BOD1L1: variants seen among roughly 807,000 people sequenced by gnomAD.
BOD1L1 encodes biorientation of chromosomes in cell division protein 1-like 1.
In BOD1L1, 86 loss-of-function variants were observed where a neutral mutation model predicts 240.7. The ratio of observed to expected loss-of-function variants is 0.36; its 90% CI spans 0.30 to 0.43. The LOEUF (loss-of-function observed/expected upper bound fraction) is 0.43. BOD1L1 is among the 20% of genes least tolerant of loss of function. The probability of loss-of-function intolerance (pLI) is 1.00; values close to 1 mark genes in which losing one functional copy is unlikely to be tolerated. For missense variants in BOD1L1, 3,554 were observed against 3,643.5 expected, an observed-to-expected ratio of 0.98 and a Z score of 0.63; for synonymous variants, 1,268 against 1,272.3, an observed-to-expected ratio of 1.00 and a Z score of 0.07.
chr4:13,627,467 CCCCGCCCGCGCCGGGGCCAGCCCCGGGG>C lies in BOD1L1; in HGVS notation c.93_120del (p.Pro32ArgfsTer16). The C allele has an allele frequency of 9.3e-7, 1 of 1,077,968 alleles. No homozygotes were observed. The highest frequency in any genetic ancestry group is 1.1e-6 in the Non-Finnish European group (1 of 889,704). 66.8% of individuals were successfully genotyped at this position (1,077,968 alleles called of 1,614,324 possible). ...CCGGCGCCCGCACCCGCGCCGCCCG[CCCCGCCCGCGCCGGGGCCAGCCCCGGGG>C]CCCGGCGGCGGCGGCGGTGGCTGCG... On this transcript the variant is annotated frameshift_variant, in exon 1 of 26. Transcript: ENST00000040738. LOFTEE classifies it high-confidence loss of function.
intron 22 of BOD1L1, among the ~76,000 whole-genome samples, chr4:13,578,635 A>G (rs1033032918): frequency 4.0e-5 from 6 of 151,882 alleles, no homozygotes; most frequent in Admixed American, 6.6e-5. Context: ...GCAGCCTCCA[A>G]CTCCTGGGCT....
intron 18 of BOD1L1, 103 bp from the exon 19 acceptor site, chr4:13,582,413 C>T (rs1713307296): frequency 1.2e-6 from 1 of 866,208 alleles, no homozygotes; most frequent in South Asian, 1.6e-5. Flanking sequence ...TAACCACACA[C>T]TCCATTTTCA....
At chr4:13,580,434 A>C (rs1389326092) in intron 21 of BOD1L1, among the ~76,000 whole-genome samples, 4 of 152,280 alleles carry the variant, frequency 2.6e-5, no homozygotes, top group Non-Finnish European at 5.9e-5. Context: ...TGAGGCTTGA[A>C]TCCCATGTTG....
At chr4:13,625,233 G>A (rs1323991108) in intron 1 of BOD1L1, 1 of 152,120 alleles carries the variant, frequency 6.6e-6, no homozygotes, top group African/African-American at 2.4e-5. Context: ...ATTAAAATAG[G>A]TTCTTATTCC....
rs1715321407 is a variant in BOD1L1, at chr4:13,602,827, G to A, written c.4073C>T (p.Ala1358Val). ...EGFTVDTPAK[A>V]SITSKRHIPE... ...AATGTGTCTTTTGCTAGTGATGCTT[G>A]CTTTTGCTGGTGTATCTACTGTGAA... Residue 1358 changes from alanine to valine, a missense_variant, in exon 10 of 26, where the codon GCA becomes GTA. Ala to Val is a moderately conservative substitution (Grantham distance 64). This residue lies in a region of BOD1L1 where 3,393 missense variants were observed against 3,427.1 expected (regional missense o/e 0.99). Coordinates refer to ENST00000040738, the MANE Select transcript of BOD1L1 (RefSeq NM_148894.3). 6.2e-7 allele frequency: 1 copy of A among 1,613,846 alleles called. No homozygotes were observed. The highest frequency in any genetic ancestry group is 1.7e-5 in the Admixed American group (1 of 60,000).
In BOD1L1 at chr4:13,627,396, CT is replaced by C; in HGVS notation, c.191del (p.Gln64ArgfsTer24). The C allele has an allele frequency of 7.2e-7, 1 of 1,395,168 alleles. No individual in the cohort carries two copies. Among genetic ancestry groups the C allele is most frequent in the Non-Finnish European group, 9.4e-7 (1 of 1,062,650 alleles). 86.4% of individuals were successfully genotyped at this position (1,395,168 alleles called of 1,614,324 possible). On this transcript the variant is annotated frameshift_variant, in exon 1 of 26. Transcript: ENST00000040738. LOFTEE classifies it high-confidence loss of function. ...CTCTGCGGAACTGGTCGAAGAGCCCCTGGCTCTTGAGGTGGTTCACGATCAT... is the reference window on the plus strand; with the variant it reads ...CTCTGCGGAACTGGTCGAAGAGCCCCGGCTCTTGAGGTGGTTCACGATCAT... ...VAMIVNHLKS[Q>X]GLFDQFRRDC...
Position 13,600,159 on chromosome 4 carries a change from C to T in BOD1L1, c.6741G>A (p.Met2247Ile), listed in dbSNP as rs147113159. The change falls in exon 10 of 26, where the codon ATG becomes ATA. Residue 2247 changes from methionine to isoleucine, a missense_variant. Met to Ile is a conservative substitution (Grantham distance 10). Coordinates refer to ENST00000040738, the MANE Select transcript of BOD1L1 (RefSeq NM_148894.3). ...ESENERAGTV[M>I]EEKDGSGIIS... ...TGATGCCACTCCCGTCTTTTTCTTC[C>T]ATGACTGTGCCAGCTCGCTCATTTT... 6.2e-7 allele frequency: 1 copy of T among 1,613,998 alleles called. No individual in the cohort carries two copies. The highest frequency in any genetic ancestry group is 8.5e-7 in the Non-Finnish European group (1 of 1,179,894).
rs765369354 is a variant in BOD1L1, at chr4:13,599,540, A to C, written c.7360T>G (p.Leu2454Val). The C allele has an allele frequency of 2.1e-5, 34 of 1,613,832 alleles. 1 individual carries two copies. Among genetic ancestry groups the C allele is most frequent in the Admixed American group, 1.3e-4 (8 of 60,004 alleles). Reference sequence around the variant, plus strand: ...TTCTCTTCTGCATTTATGAGGTGTAAAGTGCTCTCTTTCTGTCCTCTTCCT... The same window carrying C: ...TTCTCTTCTGCATTTATGAGGTGTACAGTGCTCTCTTTCTGTCCTCTTCCT... ...FAGRGQKEST[L>V]HLINAEEKNV... is the part of the protein sequence containing the mutation. The change falls in exon 10 of 26, where the codon TTA (leucine) becomes GTA (valine). Residue 2454 changes from leucine (L) to valine (V), a missense_variant. Coordinates refer to ENST00000040738, the MANE Select transcript of BOD1L1 (RefSeq NM_148894.3).
In BOD1L1 at chr4:13,573,417, T is replaced by TGTC. The variant is rs1712376859; in HGVS notation, c.9039-3290_9039-3289insGAC. 4.8e-5 allele frequency among the ~76,000 whole-genome samples: 7 copies of TGTC among 146,788 alleles called. No individual in the cohort carries two copies. In the South Asian group the frequency reaches 1.4e-3, roughly 29 times the overall value. ...TTGGTATACAGAGTTTGCTTCTATC[T>TGTC]ATCTGTCTGTCTGTCTGTCTGTCTG... is the stretch of plus-strand genomic sequence containing the variant. On this transcript the variant is annotated intron_variant, in intron 25 of 25. Coordinates refer to ENST00000040738, the MANE Select transcript of BOD1L1 (RefSeq NM_148894.3).
At position 13,627,721 on chromosome 4, in the gene BOD1L1, G is replaced by A; in HGVS notation, c.-134C>T. The A allele has an allele frequency of 1.3e-6, 1 of 774,972 alleles. No homozygotes were observed. The highest frequency in any genetic ancestry group is 5.9e-5 in the South Asian group (1 of 17,054). The allele number at this position is 774,972 out of a possible 1,614,324, so 48.0% of individuals were successfully genotyped here. ...AACCAGCGGATCCAGAGCAACCCCGGAAGTGAAAGGGAACTGGGGGAAAGG... is the reference window on the plus strand; with the variant it reads ...AACCAGCGGATCCAGAGCAACCCCGAAAGTGAAAGGGAACTGGGGGAAAGG... On this transcript the variant is annotated 5_prime_UTR_variant, in exon 1 of 26. Transcript: ENST00000040738.
chr4:13,577,821 A>C (rs1712892169), intron 22 of BOD1L1, 190 bp from the exon 23 acceptor site: 1 of 427,094 alleles, frequency 2.3e-6, no homozygotes, highest in East Asian at 3.8e-5. Flanking sequence ...GTGAGTCACG[A>C]AACATAAGTT....
rs559052104 is a variant in BOD1L1, at chr4:13,602,646, T to C, written c.4254A>G (p.Ala1418=). The C allele has an allele frequency of 5.0e-6, 8 of 1,614,068 alleles. No homozygotes were observed. The highest frequency in any genetic ancestry group is 4.4e-5 in the South Asian group (4 of 91,084). Reference sequence around the variant, plus strand: ...TAATTGTCTGCTTTAAATTGGGCTCTGCATTTAAGTCATTTTCTTTCTTGG... The same window carrying C: ...TAATTGTCTGCTTTAAATTGGGCTCCGCATTTAAGTCATTTTCTTTCTTGG... ...DMAKKENDLN[A]EPNLKQTIKA... Residue 1418 remains alanine, a synonymous_variant, in exon 10 of 26, where the codon GCA becomes GCG. Coordinates refer to ENST00000040738, the MANE Select transcript of BOD1L1 (RefSeq NM_148894.3).
Position 13,613,203 on chromosome 4 carries a change from C to T in BOD1L1, c.1324+309G>A, listed in dbSNP as rs545061322. ...ATTGAGGGCAGTGTTGTGGACTACG[C>T]TGTCCCCAAATGTGACACACACAAA... On this transcript the variant is annotated intron_variant, in intron 5 of 25. Transcript: ENST00000040738. This position sits in a 1 kb window ranked among gnomAD's most constrained non-coding sequence, Gnocchi z 4.0. Among the ~76,000 whole-genome samples, 1 of 152,308 alleles carries T rather than the reference C, an allele frequency of 6.6e-6. No individual in the cohort carries two copies. Among genetic ancestry groups the T allele is most frequent in the South Asian group, 2.1e-4 (1 of 4,826 alleles).
chr4:13,572,154 C>T (rs1712262406), intron 25 of BOD1L1, among the ~76,000 whole-genome samples: 1 of 152,126 alleles, frequency 6.6e-6, no homozygotes, highest in Non-Finnish European at 1.5e-5. Context: ...ACCAGAAGTG[C>T]AGCAAGAAGA....
In BOD1L1 at chr4:13,613,459, C is replaced by T; in HGVS notation, c.1324+53G>A. Reference sequence around the variant, plus strand: ...CTCAGGATATAGCCATCAGAATATACAAATAATGCTTGACAGGATGCTTCA... The same window carrying T: ...CTCAGGATATAGCCATCAGAATATATAAATAATGCTTGACAGGATGCTTCA... On this transcript the variant is annotated intron_variant, in intron 5 of 25. Transcript: ENST00000040738. This position sits in a 1 kb window ranked among gnomAD's most constrained non-coding sequence, Gnocchi z 4.0. 1 of 1,514,932 alleles carries T rather than the reference C, an allele frequency of 6.6e-7. No individual in the cohort carries two copies. The highest frequency in any genetic ancestry group is 2.3e-5 in the East Asian group (1 of 43,948). The allele number at this position is 1,514,932 out of a possible 1,614,324, so 93.8% of individuals were successfully genotyped here.
At chr4:13,624,509 C>T (rs1032926209) in intron 1 of BOD1L1, 1 of 152,212 alleles carries the variant, frequency 6.6e-6, no homozygotes, top group African/African-American at 2.4e-5. Flanking sequence ...ACCTCTGTCT[C>T]CTGGCTTCAA....
At chr4:13,606,930 T>C (rs923122577) in intron 9 of BOD1L1, among the ~76,000 whole-genome samples, 187 bp downstream of exon 9, 1 of 152,124 alleles carries the variant, frequency 6.6e-6, no homozygotes, top group African/African-American at 2.4e-5. Context: ...ACGACAAATA[T>C]ATAAATCAAC....
In BOD1L1 at chr4:13,621,922, T is replaced by C. The variant is rs1377597894; in HGVS notation, c.244-1855A>G. ...CTCGATTGCCCATGCTAGAGTACAG[T>C]GGTGTGATCTCGGCTCACTGGAACC... On this transcript the variant is annotated intron_variant, in intron 1 of 25. Transcript: ENST00000040738. Among the ~76,000 whole-genome samples the C allele has an allele frequency of 4.7e-5, 7 of 149,112 alleles. No homozygotes were observed. The East Asian group carries it at 1.4e-3, about 30-fold the overall frequency.
At position 13,614,476 on chromosome 4, in the gene BOD1L1, A is replaced by T; in HGVS notation, c.894T>A (p.Asn298Lys). 1.9e-6 allele frequency: 3 copies of T among 1,613,470 alleles called. No individual in the cohort carries two copies. Among genetic ancestry groups the T allele is most frequent in the Non-Finnish European group, 2.5e-6 (3 of 1,179,784 alleles). The change falls in exon 4 of 26, where the codon AAT becomes AAA. Residue 298 changes from asparagine (N) to lysine (K), a missense_variant. Physicochemically the swap from Asn to Lys is moderately conservative, Grantham distance 94. Around this residue, in one of 2 missense-constraint regions of BOD1L1, gnomAD observed 3,393 missense variants for 3,427.1 expected, o/e 0.99. Transcript: ENST00000040738. ...CATCCTTATTTAGCAGAATTAAATT[A>T]TTATGCTCTTTTGTGTAATTTTTAA... is the stretch of plus-strand genomic sequence containing the variant. Reference protein sequence around the residue: ...EEIKNYTKEHNNLILLNKDVQ... With the variant: ...EEIKNYTKEHKNLILLNKDVQ...
Sources: allele counts gnomAD v4.1 joint callset (sites outside exome capture counted in the v4.1 genomes callset), GRCh38; gene constraint gnomAD v4.1.1; regional missense constraint gnomAD v4.1.1; non-coding constraint Gnocchi (gnomAD v3.1); transcripts MANE v1.5; gene names NCBI Gene and HGNC (gene_info 2026-07-23, HGNC 2026-07-21).